The following MTUS2 variants were observed in gnomAD, a reference collection of about 807,000 sequenced individuals.
MTUS2 encodes the protein microtubule-associated tumor suppressor candidate 2.
Under a neutral mutation model 114.1 loss-of-function variants are expected in MTUS2, and 40 were observed. The ratio of observed to expected loss-of-function variants is 0.35; its 90% CI spans 0.27 to 0.46. The LOEUF (loss-of-function observed/expected upper bound fraction) is 0.46, where lower values mean the gene tolerates loss of function less well. Among genes scored for constraint, MTUS2 ranks in the 20% least tolerant of loss-of-function variants. MTUS2 has a pLI of 1.00. For missense variants in MTUS2, 1,679 were observed against 1,705.4 expected (o/e 0.98, Z 0.27); for synonymous variants, 688 against 672.0 (o/e 1.02, Z -0.37).
In MTUS2 at chr13:29,023,651, A is replaced by G. The variant is rs76716803; in HGVS notation, c.-242-806A>G. 8.1e-4 allele frequency among the ~76,000 whole-genome samples: 123 copies of G among 152,354 alleles called. No homozygotes were observed. The East Asian group carries it at 0.023, about 28-fold the overall frequency. On this transcript the variant is annotated intron_variant, in intron 2 of 15. Coordinates refer to ENST00000612955, the MANE Select transcript of MTUS2 (RefSeq NM_001033602.4). ...AATACCTGTACCTTATATACAGTCCATATTTAAATCTCTAATTGTCCTAAT... is the reference window on the plus strand; with the variant it reads ...AATACCTGTACCTTATATACAGTCCGTATTTAAATCTCTAATTGTCCTAAT...
intron 8 of MTUS2, among the ~76,000 whole-genome samples, chr13:29,374,533 G>T (rs1267101390): frequency 6.6e-6 from 1 of 152,136 alleles, no homozygotes. Context: ...GAAGACAGTG[G>T]CACATTTTCA....
In MTUS2 at chr13:29,182,276, T is replaced by C. The variant is rs567749934; in HGVS notation, c.2644+81306T>C. ...ACTAACTTCAAAGTTTAGCCAAAAC[T>C]GGGCTGTTCAGCACCAGCTCTGCTT... On this transcript the variant is annotated intron_variant, in intron 5 of 15. Transcript: ENST00000612955. Among the ~76,000 whole-genome samples the C allele has an allele frequency of 3.3e-5, 5 of 152,362 alleles. No homozygotes were observed. In the East Asian group the frequency reaches 5.8e-4, roughly 18 times the overall value.
chr13:28,907,663 T>TCA (rs1401656002), intron 2 of MTUS2, among the ~76,000 whole-genome samples: 7 of 151,628 alleles, frequency 4.6e-5, no homozygotes, highest in Non-Finnish European at 7.4e-5. Flanking sequence ...AGAAGGCCAT[T>TCA]ACATAATGGT....
chr13:29,334,477 C>T (rs761615852), intron 7 of MTUS2, among the ~76,000 whole-genome samples: 11 of 152,142 alleles, frequency 7.2e-5, no homozygotes, highest in Non-Finnish European at 1.2e-4. Flanking sequence ...CTTAGTTTGG[C>T]TGGATATGAA....
intron 9 of MTUS2, among the ~76,000 whole-genome samples, chr13:29,442,244 A>AT (rs926962469): frequency 3.3e-5 from 5 of 152,018 alleles, no homozygotes; most frequent in Admixed American, 1.3e-4. Flanking sequence ...TGTCTCAGTA[A>AT]TTTTTTTTCA....
intron 5 of MTUS2, among the ~76,000 whole-genome samples, chr13:29,181,227 C>G (rs1484061418): frequency 1.3e-5 from 2 of 151,856 alleles, no homozygotes; most frequent in East Asian, 3.9e-4. Flanking sequence ...ACTGTGTAAC[C>G]CTATCAGCCA....
chr13:29,499,306 C>T (rs1250617136), intron 14 of MTUS2, among the ~76,000 whole-genome samples: 1 of 152,186 alleles, frequency 6.6e-6, no homozygotes, highest in Admixed American at 6.5e-5. Flanking sequence ...GGGGCACAAG[C>T]CCCCAGCCAG....
intron 2 of MTUS2, among the ~76,000 whole-genome samples, chr13:29,012,026 C>T (rs941663919): frequency 1.3e-5 from 2 of 152,170 alleles, no homozygotes; most frequent in East Asian, 1.9e-4. Context: ...CCTCACTTCA[C>T]TCCTGATGAT....
chr13:28,885,363 C>T (rs934895970), intron 2 of MTUS2, among the ~76,000 whole-genome samples: 3 of 152,154 alleles, frequency 2.0e-5, no homozygotes, highest in African/African-American at 2.4e-5. Context: ...AAGAAGCTGA[C>T]ACTGATTGTC....
chr13:29,123,401 T>C (rs1891390011), intron 5 of MTUS2, among the ~76,000 whole-genome samples: 2 of 152,188 alleles, frequency 1.3e-5, no homozygotes, highest in Admixed American at 6.5e-5. Context: ...ACCACATTGA[T>C]ATTTCTATTT....
At chr13:29,317,605 A>C (rs1183300879) in intron 6 of MTUS2, among the ~76,000 whole-genome samples, 2 of 35,610 alleles carry the variant, frequency 5.6e-5, no homozygotes, top group African/African-American at 1.4e-4. Context: ...CGCCCGGCTA[A>C]TTTTTTGTAT....
At chr13:28,937,507 T>C (rs1017997450) in intron 2 of MTUS2, among the ~76,000 whole-genome samples, 5 of 152,160 alleles carry the variant, frequency 3.3e-5, no homozygotes, top group African/African-American at 9.7e-5. Context: ...TGCTCAATTT[T>C]TGGGTCCCTG....
rs949666204 is a variant in MTUS2, at chr13:29,393,630, C to T, written c.3117+34157C>T. 2.6e-5 allele frequency among the ~76,000 whole-genome samples: 4 copies of T among 152,156 alleles called. No homozygotes were observed. The East Asian group carries it at 5.8e-4, about 22-fold the overall frequency. ...AAACTCAGGCTGTGTTCTGTGAACC[C>T]TGAATATCTGAGACAAGTCTCAGTC... On this transcript the variant is annotated intron_variant, in intron 8 of 15. Transcript: ENST00000612955.
intron 5 of MTUS2, among the ~76,000 whole-genome samples, chr13:29,218,405 A>C (rs1365115798): frequency 6.6e-6 from 1 of 152,184 alleles, no homozygotes; most frequent in Admixed American, 6.5e-5. Context: ...GGTTGGAATC[A>C]ATTTCTTTCA....
chr13:29,494,875 T>G (rs1224249452), intron 12 of MTUS2, among the ~76,000 whole-genome samples: 1 of 151,626 alleles, frequency 6.6e-6, no homozygotes, highest in Non-Finnish European at 1.5e-5. Context: ...CTGTCTCTAC[T>G]AAAAATACAA....
intron 8 of MTUS2, among the ~76,000 whole-genome samples, chr13:29,404,668 G>A (rs528443887): frequency 7.9e-5 from 12 of 152,262 alleles, no homozygotes; most frequent in South Asian, 2.1e-4. Context: ...TCACTTCAGC[G>A]TTCCTGAACT....
intron 8 of MTUS2, among the ~76,000 whole-genome samples, chr13:29,425,463 A>G (rs952620216): frequency 7.9e-5 from 12 of 152,176 alleles, no homozygotes; most frequent in Non-Finnish European, 1.6e-4. Flanking sequence ...CAAAGAAAAA[A>G]GAAAGACAAG....
chr13:28,827,102 A>C (rs1308926803), intron 1 of MTUS2, among the ~76,000 whole-genome samples: 1 of 152,214 alleles, frequency 6.6e-6, no homozygotes, highest in Non-Finnish European at 1.5e-5. Context: ...TTTTGCTTCT[A>C]ATTCTTATAT....
chr13:29,187,857 T>C (rs1894287775), intron 5 of MTUS2, among the ~76,000 whole-genome samples: 1 of 152,142 alleles, frequency 6.6e-6, no homozygotes, highest in Non-Finnish European at 1.5e-5. Flanking sequence ...TTTCTGGTCC[T>C]CTGTCTTCAT....
Sources: allele counts gnomAD v4.1 joint callset (sites outside exome capture counted in the v4.1 genomes callset), GRCh38; gene constraint gnomAD v4.1.1; transcripts MANE v1.5; gene names NCBI Gene and HGNC (gene_info 2026-07-23, HGNC 2026-07-21).